Variants in PREX1 observed in about 807,000 individuals in gnomAD.
The protein encoded by PREX1 is phosphatidylinositol 3,4,5-trisphosphate-dependent Rac exchanger 1 protein.
PREX1 carries 41 observed loss-of-function variants against 198.3 expected under a neutral mutation model. The ratio of observed to expected loss-of-function variants is 0.21; its 90% CI spans 0.16 to 0.27. The LOEUF (loss-of-function observed/expected upper bound fraction) is 0.27. PREX1 is among the 10% of genes least tolerant of loss of function. The pLI, the probability that PREX1 is intolerant of heterozygous loss-of-function variation, is 1.00. For synonymous variants in PREX1, 843 were observed against 887.2 expected (o/e 0.95, Z 0.89); for missense variants, 1,620 against 2,200.7 (o/e 0.74, Z 5.28).
intron 6 of PREX1, among the ~76,000 whole-genome samples, chr20:48,708,058 T>G (rs1191922519): frequency 6.6e-6 from 1 of 152,208 alleles, no homozygotes; most frequent in Admixed American, 6.5e-5. Context: ...GGGCCCAGTG[T>G]CACCAAGTTT....
chr20:48,634,451 GA>G (rs1433963713), intron 33 of PREX1, among the ~76,000 whole-genome samples: 1 of 152,194 alleles, frequency 6.6e-6, no homozygotes, highest in Non-Finnish European at 1.5e-5. Flanking sequence ...AGAGCTGTTG[GA>G]AATAGCCGGG....
At chr20:48,658,989 G>T (rs560607197) in intron 16 of PREX1, among the ~76,000 whole-genome samples, 63 of 152,156 alleles carry the variant, frequency 4.1e-4, no homozygotes, top group African/African-American at 1.4e-3. Context: ...AGCACTTTGG[G>T]AGGCCGAGAC....
chr20:48,822,612 G>T (rs956904639), intron 1 of PREX1, among the ~76,000 whole-genome samples: 2 of 151,982 alleles, frequency 1.3e-5, no homozygotes, highest in Non-Finnish European at 2.9e-5. Flanking sequence ...TCTTCCTGTC[G>T]GCTTCTTAAA....
intron 1 of PREX1, among the ~76,000 whole-genome samples, chr20:48,767,389 C>T (rs1041015002): frequency 2.0e-5 from 3 of 152,098 alleles, no homozygotes; most frequent in African/African-American, 7.2e-5. Flanking sequence ...GAAGCCCCCT[C>T]AAACGAGGGC....
At chr20:48,851,106 G>C in the PREX1 span, among the ~76,000 whole-genome samples, 2 of 152,170 alleles carry the variant, frequency 1.3e-5, no homozygotes, top group Admixed American at 1.3e-4. Context: ...CTGCTTTCTT[G>C]CTACAGTGGC....
chr20:48,658,046 C>T, intron 17 of PREX1, 90 bp downstream of exon 17: 1 of 1,275,612 alleles, frequency 7.8e-7, no homozygotes, highest in Admixed American at 2.1e-5. Context: ...TCCAGAATCT[C>T]CTGGGCTGGG....
chr20:48,670,589 G>A (rs2089668948), intron 14 of PREX1, among the ~76,000 whole-genome samples: 1 of 152,210 alleles, frequency 6.6e-6, no homozygotes, highest in Non-Finnish European at 1.5e-5. Context: ...AAACTCCAGA[G>A]CTGGCTTCCC....
chr20:48,856,487 C>T, the PREX1 span, among the ~76,000 whole-genome samples: 1 of 152,326 alleles, frequency 6.6e-6, no homozygotes, highest in South Asian at 2.1e-4. Flanking sequence ...ATGGAAACAG[C>T]AGGGCCTAGA....
At chr20:48,637,847 G>A (rs2122845508) in intron 30 of PREX1, 95 bp from the exon 31 acceptor site, 1 of 1,142,676 alleles carries the variant, frequency 8.8e-7, no homozygotes, top group Non-Finnish European at 1.3e-6. Context: ...CACCTCCCAA[G>A]GTGCTCTGAC....
At chr20:48,638,131 C>A (rs2089380040) in intron 30 of PREX1, among the ~76,000 whole-genome samples, 1 of 152,068 alleles carries the variant, frequency 6.6e-6, no homozygotes, top group Non-Finnish European at 1.5e-5. Flanking sequence ...CAACAGACAC[C>A]CAAGTGCATG....
chr20:48,638,620 TCAGGACTCACCACGCCAGGCACCACGG>T (rs1470646927), intron 30 of PREX1, among the ~76,000 whole-genome samples: 7 of 152,104 alleles, frequency 4.6e-5, no homozygotes, highest in Non-Finnish European at 7.4e-5. Flanking sequence ...TGCGCTCTTG[TCAGGACTCACCACGCCAGGCACCACGG>T]CAGGACTCAC....
At chr20:48,794,837 A>G (rs1031883207) in intron 1 of PREX1, among the ~76,000 whole-genome samples, 4 of 152,174 alleles carry the variant, frequency 2.6e-5, no homozygotes, top group African/African-American at 9.7e-5. Flanking sequence ...CAGCAGTCCT[A>G]TGGGGAAGCT....
At chr20:48,640,064 T>C (rs2089397611) in intron 29 of PREX1, among the ~76,000 whole-genome samples, 170 bp from the exon 30 acceptor site, 1 of 152,122 alleles carries the variant, frequency 6.6e-6, no homozygotes, top group Non-Finnish European at 1.5e-5. Context: ...AGTGTGCTAT[T>C]TCATGGTACC....
intron 3 of PREX1, among the ~76,000 whole-genome samples, chr20:48,740,844 AG>A (rs1163568777): frequency 6.6e-6 from 1 of 152,252 alleles, no homozygotes; most frequent in African/African-American, 2.4e-5. Flanking sequence ...TCAGGCTGAA[AG>A]GCTCAAGTAG....
intron 1 of PREX1, among the ~76,000 whole-genome samples, chr20:48,764,962 C>T (rs991188903): frequency 1.8e-4 from 27 of 152,108 alleles, no homozygotes; most frequent in African/African-American, 6.5e-4. Context: ...CTCCCCAGAC[C>T]CCCCAGGAGC....
intron 1 of PREX1, among the ~76,000 whole-genome samples, chr20:48,757,467 C>G (rs534417367): frequency 1.3e-5 from 2 of 152,222 alleles, no homozygotes; most frequent in Non-Finnish European, 2.9e-5. Flanking sequence ...TACTGCATCC[C>G]CTTTTTAGGA....
chr20:48,876,129 A>C, the PREX1 span, among the ~76,000 whole-genome samples: 48,556 of 151,944 alleles, frequency 0.32, 8,014 homozygotes, highest in African/African-American at 0.38. Flanking sequence ...CAAACACACG[A>C]CTTTTGGGGA....
intron 25 of PREX1, among the ~76,000 whole-genome samples, chr20:48,647,268 A>G (rs925696125): frequency 6.6e-6 from 1 of 152,134 alleles, no homozygotes; most frequent in Non-Finnish European, 1.5e-5. Flanking sequence ...CATATCTGTA[A>G]TCCCAGCACT....
At chr20:48,866,758 CT>C in the PREX1 span, among the ~76,000 whole-genome samples, 2 of 152,116 alleles carry the variant, frequency 1.3e-5, no homozygotes, top group African/African-American at 4.8e-5. Context: ...AAAAATCCAT[CT>C]CTACCCCCAA....
Sources: gnomAD v4.1 joint callset for allele counts (sites outside exome capture counted in the v4.1 genomes callset) on GRCh38, gnomAD v4.1.1 for gene constraint, MANE v1.5 for transcripts, NCBI Gene and HGNC (gene_info 2026-07-23, HGNC 2026-07-21) for gene names.